GSDME: variants seen among roughly 807,000 people sequenced by gnomAD.
GSDME encodes gasdermin E, also known as gasdermin-E.
A neutral mutation model predicts 47.5 loss-of-function variants in GSDME; 44 were observed. That is an observed-to-expected ratio of 0.93 (90% CI 0.73 to 1.19). The LOEUF is 1.19. GSDME is among the 50% of genes most tolerant of loss of function. The pLI is 0.00. For missense variants in GSDME, 663 were observed against 604.2 expected, an observed-to-expected ratio of 1.10 and a Z score of -1.02; for synonymous variants, 258 against 252.8, an observed-to-expected ratio of 1.02 and a Z score of -0.20.
chr7:24,767,389 G>A, the GSDME span, among the ~76,000 whole-genome samples: 1 of 152,102 alleles, frequency 6.6e-6, no homozygotes, highest in Non-Finnish European at 1.5e-5. This position sits in a 1 kb window ranked among gnomAD's most constrained non-coding sequence, Gnocchi z 5.3. Context: ...AACATAATGA[G>A]CACATGTACC....
Position 24,744,952 on chromosome 7 carries a change from G to GT in GSDME, c.212-199_212-198insA, listed in dbSNP as rs397776076. Among the ~76,000 whole-genome samples the GT allele has an allele frequency of 6.9e-6, 1 of 145,208 alleles. No homozygotes were observed. The highest frequency in any genetic ancestry group is 1.5e-5 in the Non-Finnish European group (1 of 65,632). On this transcript the variant is annotated intron_variant, in intron 2 of 9. Transcript: ENST00000645220. The surrounding 1 kb of genome is among the most constrained non-coding windows in gnomAD (Gnocchi z 4.5). Reference sequence around the variant, plus strand: ...TGTGTGTGTGTGTGTGTGTGTGTGTGGACCGCGGGCACACAGTGGACCAGT... The same window carrying GT: ...TGTGTGTGTGTGTGTGTGTGTGTGTGTGACCGCGGGCACACAGTGGACCAGT...
chr7:24,707,441 G>T, intron 7 of GSDME: 1 of 471,464 alleles, frequency 2.1e-6, no homozygotes, highest in Non-Finnish European at 4.4e-6. Flanking sequence ...AAACACAACA[G>T]TGCAAAAGCC....
In GSDME at chr7:24,736,761, G is replaced by T. The variant is rs1001343110; in HGVS notation, c.404+7801C>A. On this transcript the variant is annotated intron_variant, in intron 3 of 9. Coordinates refer to ENST00000645220, the MANE Select transcript of GSDME (RefSeq NM_001127453.2). The surrounding 1 kb of genome is among the most constrained non-coding windows in gnomAD (Gnocchi z 4.6). ...TTCGCAAGGATAGACCATATGTTAG[G>T]CCACAAAACAAGTTTCAAAACATCC... Among the ~76,000 whole-genome samples the T allele has an allele frequency of 1.3e-5, 2 of 152,130 alleles. No homozygotes were observed. Among genetic ancestry groups the T allele is most frequent in the Non-Finnish European group, 2.9e-5 (2 of 68,018 alleles).
At chr7:24,749,512 A>G in intron 2 of GSDME, 52 bp downstream of exon 2, 1 of 1,469,834 alleles carries the variant, frequency 6.8e-7, no homozygotes, top group Admixed American at 1.9e-5. Flanking sequence ...AAAAAAAAAA[A>G]AAGGATCATC....
chr7:24,731,555 C>G (rs1790146241), intron 3 of GSDME, among the ~76,000 whole-genome samples: 2 of 152,360 alleles, frequency 1.3e-5, no homozygotes, highest in East Asian at 1.9e-4. Context: ...CTGTCTGGCT[C>G]TCAGCAAGCT....
At chr7:24,748,098 C>T (rs529976657) in intron 2 of GSDME, among the ~76,000 whole-genome samples, 1 of 148,714 alleles carries the variant, frequency 6.7e-6, no homozygotes, top group African/African-American at 2.5e-5. Context: ...TTTATTTAAA[C>T]TTAATGTTAA....
chr7:24,792,990 T>C, the GSDME span, among the ~76,000 whole-genome samples: 1 of 152,202 alleles, frequency 6.6e-6, no homozygotes, highest in Non-Finnish European at 1.5e-5. Flanking sequence ...GCAGCAGATT[T>C]TATAGTACCT....
In GSDME at chr7:24,710,312, C is replaced by G; in HGVS notation, c.774G>C (p.Leu258=). 1 of 1,614,246 alleles carries G rather than the reference C, an allele frequency of 6.2e-7. No homozygotes were observed. Among genetic ancestry groups the G allele is most frequent in the Non-Finnish European group, 8.5e-7 (1 of 1,180,052 alleles). The stretch of plus-strand genomic sequence containing the variant: ...CTATGAATGCAAACTCTCGAAAGAC[C>G]AGGGGGTCCAGGTAGACAGAGTCAA... The part of the protein sequence containing the change: ...KRIDSVYLDP[L]VFREFAFIDM... The change falls in exon 6 of 10, where the codon CTG becomes CTC. Residue 258 remains leucine, a synonymous_variant. Transcript: ENST00000645220.
intron 7 of GSDME, 40 bp downstream of exon 7, chr7:24,708,087 C>A (rs1219563582): frequency 6.2e-7 from 1 of 1,611,904 alleles, no homozygotes; most frequent in Non-Finnish European, 8.5e-7. Context: ...TTCCAGAAAA[C>A]CCCAGTGAAA....
intron 3 of GSDME, among the ~76,000 whole-genome samples, chr7:24,743,316 C>G (rs921354064): frequency 2.6e-5 from 4 of 152,134 alleles, no homozygotes; most frequent in African/African-American, 4.8e-5. Flanking sequence ...GCCAGCCATA[C>G]TTAAATACAA....
At chr7:24,749,911 C>T in intron 1 of GSDME, 118 bp from the exon 2 acceptor site, 1 of 667,672 alleles carries the variant, frequency 1.5e-6, no homozygotes, top group African/African-American at 1.8e-5. Flanking sequence ...ATATCTTCTT[C>T]CTAGAAGACC....
rs4612241 is a variant in GSDME, at chr7:24,757,189, G to C, written c.-20+207C>G. 6.6e-6 allele frequency among the ~76,000 whole-genome samples: 1 copy of C among 151,682 alleles called. No homozygotes were observed. The highest frequency in any genetic ancestry group is 2.1e-4 in the South Asian group (1 of 4,798). On this transcript the variant is annotated intron_variant, in intron 1 of 9. Coordinates refer to ENST00000645220, the MANE Select transcript of GSDME (RefSeq NM_001127453.2). The surrounding 1 kb of genome is among the most constrained non-coding windows in gnomAD (Gnocchi z 5.9). ...AGGGGACCGGGCCGGGAATGCGGGAGGCGAGGGGAGCGACGGGACCTGCCG... is the reference window on the plus strand; with the variant it reads ...AGGGGACCGGGCCGGGAATGCGGGACGCGAGGGGAGCGACGGGACCTGCCG...
the GSDME span, among the ~76,000 whole-genome samples, chr7:24,767,862 G>A: frequency 6.6e-6 from 1 of 151,966 alleles, no homozygotes; most frequent in Non-Finnish European, 1.5e-5. This position sits in a 1 kb window ranked among gnomAD's most constrained non-coding sequence, Gnocchi z 5.3. Flanking sequence ...GATGGCTTTC[G>A]GGCATGTTTG....
chr7:24,727,610 A>G (rs2128056993), intron 3 of GSDME, among the ~76,000 whole-genome samples: 1 of 152,376 alleles, frequency 6.6e-6, no homozygotes, highest in Non-Finnish European at 1.5e-5. Context: ...CCAGCTGTAG[A>G]GTAGGAAAAT....
At chr7:24,774,623 C>T in the GSDME span, among the ~76,000 whole-genome samples, 1 of 152,068 alleles carries the variant, frequency 6.6e-6, no homozygotes, top group South Asian at 2.1e-4. Flanking sequence ...ACCTCTGCCT[C>T]CCAGGTTCAA....
At chr7:24,748,565 TA>T (rs1790753745) in intron 2 of GSDME, among the ~76,000 whole-genome samples, 1 of 152,216 alleles carries the variant, frequency 6.6e-6, no homozygotes, top group Non-Finnish European at 1.5e-5. Flanking sequence ...TTTTTATTTT[TA>T]AATTTTCTTC....
Position 24,726,697 on chromosome 7 carries a change from C to T in GSDME, c.405-7479G>A, listed in dbSNP as rs1350384070. Among the ~76,000 whole-genome samples the T allele has an allele frequency of 1.3e-5, 2 of 151,862 alleles. No homozygotes were observed. The highest frequency in any genetic ancestry group is 4.8e-5 in the African/African-American group (2 of 41,298). On this transcript the variant is annotated intron_variant, in intron 3 of 9. Transcript: ENST00000645220. This position sits in a 1 kb window ranked among gnomAD's most constrained non-coding sequence, Gnocchi z 5.6. ...AATCAGCCCGGCATAGTCCTGGCTA[C>T]TCGGGAGGCTGAGGCAGAAGAATGG... is the stretch of plus-strand genomic sequence containing the variant.
rs1788928894 is a variant in GSDME, at chr7:24,702,836, G to T, written c.1184-3C>A. The stretch of plus-strand genomic sequence containing the variant: ...AGCTGCTGCGCTATCTGGCATTTCT[G>T]CAGGAGAGAAAAATCACAGTCACAG... On this transcript the variant is annotated splice_polypyrimidine_tract_variant and splice_region_variant and intron_variant, in intron 8 of 9. Transcript: ENST00000645220. The T allele has an allele frequency of 6.2e-7, 1 of 1,612,214 alleles. No individual in the cohort carries two copies. The highest frequency in any genetic ancestry group is 8.5e-7 in the Non-Finnish European group (1 of 1,179,012).
the GSDME span, among the ~76,000 whole-genome samples, chr7:24,763,535 G>A: frequency 6.6e-6 from 1 of 152,284 alleles, no homozygotes; most frequent in South Asian, 2.1e-4. This position sits in a 1 kb window ranked among gnomAD's most constrained non-coding sequence, Gnocchi z 4.3. Flanking sequence ...TGTCATTGGA[G>A]AGGACAGGGC....
Sources: allele counts gnomAD v4.1 joint callset (sites outside exome capture counted in the v4.1 genomes callset), GRCh38; gene constraint gnomAD v4.1.1; non-coding constraint Gnocchi (gnomAD v3.1); transcripts MANE v1.5; gene names NCBI Gene and HGNC (gene_info 2026-07-23, HGNC 2026-07-21).